MAD1L1: variants seen among roughly 807,000 people sequenced by gnomAD.
The protein encoded by MAD1L1 is mitotic arrest deficient 1 like 1, also known as mitotic spindle assembly checkpoint protein MAD1.
Under a neutral mutation model 96.9 loss-of-function variants are expected in MAD1L1, and 95 were observed. That is an observed-to-expected ratio of 0.98 (90% CI 0.83 to 1.16). The LOEUF is 1.16. Among genes scored for constraint, MAD1L1 ranks in the 50% most tolerant of loss-of-function variants. The probability of loss-of-function intolerance (pLI) is 0.00; values close to 1 mark genes in which losing one functional copy is unlikely to be tolerated. For synonymous variants in MAD1L1, 473 were observed against 396.6 expected, an observed-to-expected ratio of 1.19 and a Z score of -2.29; for missense variants, 1,007 against 954.4, an observed-to-expected ratio of 1.06 and a Z score of -0.73.
At chr7:1,962,200 C>T (rs1404791445) in intron 15 of MAD1L1, among the ~76,000 whole-genome samples, 2 of 152,200 alleles carry the variant, frequency 1.3e-5, no homozygotes, top group African/African-American at 2.4e-5. Flanking sequence ...TTCTCGTGGT[C>T]GTGAATAAGT....
In MAD1L1 at chr7:2,061,297, A is replaced by G. The variant is rs534798607; in HGVS notation, c.1218+7897T>C. ...GGTGGCAGTGAGCCAAGATTGAGCCATTGCACTCCAGCCTGGGCAACAGAG... is the reference window on the plus strand; with the variant it reads ...GGTGGCAGTGAGCCAAGATTGAGCCGTTGCACTCCAGCCTGGGCAACAGAG... On this transcript the variant is annotated intron_variant, in intron 12 of 18. Transcript: ENST00000265854. Among the ~76,000 whole-genome samples the G allele has an allele frequency of 1.7e-4, 26 of 152,354 alleles. 1 individual carries two copies. The South Asian group carries it at 4.6e-3, about 27-fold the overall frequency.
chr7:1,990,798 C>A (rs1417222499), intron 14 of MAD1L1, among the ~76,000 whole-genome samples: 1 of 60,252 alleles, frequency 1.7e-5, no homozygotes, highest in African/African-American at 7.4e-5. Context: ...GGTGCCTGAG[C>A]ACCTGCCCCA....
rs950159796 is a variant in MAD1L1, at chr7:1,989,072, A to C, written c.1417-8531T>G. ...CTAACCAACAAAACAACCCATTTAC[A>C]AAGTGGGCAATGGATGGGGCAGACA... On this transcript the variant is annotated intron_variant, in intron 14 of 18. Transcript: ENST00000265854. Among the ~76,000 whole-genome samples, 13 of 152,366 alleles carry C rather than the reference A, an allele frequency of 8.5e-5. No homozygotes were observed. The Middle Eastern group carries it at 0.017, about 199-fold the overall frequency.
intron 3 of MAD1L1, among the ~76,000 whole-genome samples, chr7:2,227,675 C>G (rs1321276635): frequency 1.3e-5 from 2 of 152,230 alleles, no homozygotes; most frequent in East Asian, 3.8e-4. Context: ...TCCTTTACTC[C>G]TATGTTACTG....
At chr7:2,132,776 T>C (rs1788579571) in intron 11 of MAD1L1, among the ~76,000 whole-genome samples, 3 of 152,254 alleles carry the variant, frequency 2.0e-5, no homozygotes, top group African/African-American at 7.2e-5. Flanking sequence ...ATACCATCTT[T>C]TATCCATTCA....
At chr7:1,928,091 C>T (rs952638834) in intron 17 of MAD1L1, among the ~76,000 whole-genome samples, 6 of 152,098 alleles carry the variant, frequency 3.9e-5, no homozygotes, top group South Asian at 2.1e-4. Flanking sequence ...TCGGAGCCCA[C>T]GACGGAACAC....
chr7:2,010,618 C>A (rs1282013412), intron 13 of MAD1L1, among the ~76,000 whole-genome samples: 1 of 152,218 alleles, frequency 6.6e-6, no homozygotes, highest in Non-Finnish European at 1.5e-5. Context: ...CTGGGGTTCT[C>A]CCAACTCAAC....
chr7:1,982,683 AT>A (rs1780960832), intron 14 of MAD1L1, among the ~76,000 whole-genome samples: 1 of 152,174 alleles, frequency 6.6e-6, no homozygotes, highest in Non-Finnish European at 1.5e-5. Flanking sequence ...CCCAATATTG[AT>A]ACCTTGGGTT....
chr7:2,063,508 C>T (rs1784752015), intron 12 of MAD1L1, among the ~76,000 whole-genome samples: 1 of 152,232 alleles, frequency 6.6e-6, no homozygotes, highest in Non-Finnish European at 1.5e-5. Flanking sequence ...GGAAGCTGCC[C>T]AAGCTGTATG....
At chr7:2,181,288 G>C (rs1393373316) in intron 10 of MAD1L1, among the ~76,000 whole-genome samples, 1 of 152,244 alleles carries the variant, frequency 6.6e-6, no homozygotes, top group Non-Finnish European at 1.5e-5. Context: ...CTGGCTGCTG[G>C]TGCTGCCAGC....
intron 12 of MAD1L1, among the ~76,000 whole-genome samples, chr7:2,030,580 T>A (rs1039534038): frequency 6.6e-6 from 1 of 152,178 alleles, no homozygotes; most frequent in African/African-American, 2.4e-5. Context: ...CAGTGACAGG[T>A]GGCCGGACCC....
intron 16 of MAD1L1, among the ~76,000 whole-genome samples, chr7:1,943,773 T>C (rs184995865): frequency 1.9e-4 from 28 of 150,988 alleles, no homozygotes; most frequent in African/African-American, 2.2e-4. Flanking sequence ...CACAGACTCG[T>C]CCGTGAATGT....
At chr7:1,962,280 T>C (rs1779986651) in intron 15 of MAD1L1, among the ~76,000 whole-genome samples, 1 of 152,376 alleles carries the variant, frequency 6.6e-6, no homozygotes, top group South Asian at 2.1e-4. Flanking sequence ...TCTGCCACCA[T>C]GTAAGATGTG....
intron 18 of MAD1L1, among the ~76,000 whole-genome samples, chr7:1,868,090 C>T (rs1002829885): frequency 6.6e-6 from 1 of 152,146 alleles, no homozygotes; most frequent in African/African-American, 2.4e-5. Flanking sequence ...CTGCCGTGCC[C>T]GCTCAGAGTG....
chr7:2,228,250 A>G (rs1227484425), intron 3 of MAD1L1, among the ~76,000 whole-genome samples: 1 of 152,092 alleles, frequency 6.6e-6, no homozygotes, highest in Admixed American at 6.5e-5. Flanking sequence ...GGTCCCAGAC[A>G]TTCGCAACAC....
At chr7:1,976,711 C>T (rs1368304831) in intron 15 of MAD1L1, among the ~76,000 whole-genome samples, 2 of 152,218 alleles carry the variant, frequency 1.3e-5, no homozygotes, top group Non-Finnish European at 2.9e-5. Context: ...GCTGATTGGT[C>T]TGTTTTGACA....
At chr7:2,112,578 A>G (rs893761745) in intron 11 of MAD1L1, among the ~76,000 whole-genome samples, 7 of 152,376 alleles carry the variant, frequency 4.6e-5, no homozygotes, top group East Asian at 1.9e-4. Flanking sequence ...TGGATGGGTA[A>G]GTAAAACATG....
chr7:2,015,260 C>A (rs954979956), intron 12 of MAD1L1, among the ~76,000 whole-genome samples: 1 of 152,220 alleles, frequency 6.6e-6, no homozygotes, highest in East Asian at 1.9e-4. Context: ...GCTGAGTCCC[C>A]GCTTTTCAGC....
At chr7:2,041,797 G>T (rs1050929620) in intron 12 of MAD1L1, among the ~76,000 whole-genome samples, 1 of 150,464 alleles carries the variant, frequency 6.6e-6, no homozygotes, top group Admixed American at 6.6e-5. Context: ...TCACTTCCAC[G>T]CTGCAAAAAT....
Sources: allele counts gnomAD v4.1 joint callset (sites outside exome capture counted in the v4.1 genomes callset), GRCh38; gene constraint gnomAD v4.1.1; transcripts MANE v1.5; gene names NCBI Gene and HGNC (gene_info 2026-07-23, HGNC 2026-07-21).